The following ARHGAP10 variants were observed in gnomAD, a reference collection of about 807,000 sequenced individuals.
ARHGAP10 encodes the protein Rho GTPase activating protein 10.
ARHGAP10 carries 87 observed loss-of-function variants against 108.6 expected under a neutral mutation model. That is an observed-to-expected ratio of 0.80 (90% CI 0.67 to 0.96). The LOEUF (loss-of-function observed/expected upper bound fraction) is 0.96, where lower values mean the gene tolerates loss of function less well. Among genes scored for constraint, ARHGAP10 ranks in the 40% least tolerant of loss-of-function variants. The pLI is 0.00. For missense variants in ARHGAP10, 939 were observed against 954.5 expected (o/e 0.98, Z 0.21); for synonymous variants, 347 against 341.1 (o/e 1.02, Z -0.19).
chr4:147,851,025 G>A (rs1733859280), intron 4 of ARHGAP10, among the ~76,000 whole-genome samples: 2 of 152,126 alleles, frequency 1.3e-5, no homozygotes, highest in African/African-American at 4.8e-5. Flanking sequence ...ATGAAAATAT[G>A]GGTTTGGGCA....
rs759672750 is a variant in ARHGAP10, at chr4:148,072,108, C to G, written c.*27C>G. On this transcript the variant is annotated 3_prime_UTR_variant, in exon 23 of 23. Transcript: ENST00000336498. ...TCCTGGCCTCAGAGCCCCTGCTGAC[C>G]CTGGCACCCAGGGACCTGCCTGGGG... 62 of 1,598,198 alleles carry G rather than the reference C, an allele frequency of 3.9e-5. No homozygotes were observed. The highest frequency in any genetic ancestry group is 5.1e-5 in the Non-Finnish European group (60 of 1,172,734).
chr4:148,059,899 C>A (rs1287051748), intron 20 of ARHGAP10, among the ~76,000 whole-genome samples: 1 of 152,112 alleles, frequency 6.6e-6, no homozygotes, highest in Non-Finnish European at 1.5e-5. Flanking sequence ...GGCCAGGTCA[C>A]ACCTACATGC....
intron 8 of ARHGAP10, among the ~76,000 whole-genome samples, chr4:147,878,051 C>T (rs548360129): frequency 5.9e-5 from 9 of 151,962 alleles, no homozygotes; most frequent in South Asian, 4.2e-4. Context: ...ATTCTTCTGC[C>T]GCACCCTCCC....
chr4:148,033,607 T>C lies in ARHGAP10; in HGVS notation c.1867+10194T>C, dbSNP rs144508725. ...TAATACATACATATAAATACACATATACACACATACCGCATACATTTATAT... is the reference window on the plus strand; with the variant it reads ...TAATACATACATATAAATACACATACACACACATACCGCATACATTTATAT... On this transcript the variant is annotated intron_variant, in intron 19 of 22. Coordinates refer to ENST00000336498, the MANE Select transcript of ARHGAP10 (RefSeq NM_024605.4). Among the ~76,000 whole-genome samples, 1,115 of 152,358 alleles carry C rather than the reference T, an allele frequency of 7.3e-3. 7 individuals carry two copies. Among genetic ancestry groups the C allele is most frequent in the Non-Finnish European group, 0.013 (890 of 68,032 alleles).
chr4:147,992,686 G>A (rs994307993), intron 18 of ARHGAP10, among the ~76,000 whole-genome samples: 3 of 152,128 alleles, frequency 2.0e-5, no homozygotes, highest in Non-Finnish European at 4.4e-5. Context: ...GATTACAGAC[G>A]TGAGCCATTG....
intron 7 of ARHGAP10, among the ~76,000 whole-genome samples, chr4:147,872,953 C>T (rs1035372077): frequency 1.3e-5 from 2 of 151,620 alleles, no homozygotes; most frequent in Admixed American, 1.3e-4. Flanking sequence ...AGTGAGCACA[C>T]TGTGCCCAGA....
rs370017127 is a variant in ARHGAP10 at position 148,020,573 on chromosome 4, T to A, written c.1717-2690T>A. Among the ~76,000 whole-genome samples the A allele has an allele frequency of 3.3e-5, 5 of 151,278 alleles. No individual in the cohort carries two copies. The South Asian group carries it at 1.0e-3, about 32-fold the overall frequency. On this transcript the variant is annotated intron_variant, in intron 18 of 22. Transcript: ENST00000336498. ...TTTTTTTTTTATTCCTGCATTAGTG[T>A]GCTGAGGATAATGGCTTCCAGCTCC...
At chr4:148,026,318 A>T (rs1727835195) in intron 19 of ARHGAP10, among the ~76,000 whole-genome samples, 1 of 152,192 alleles carries the variant, frequency 6.6e-6, no homozygotes, top group African/African-American at 2.4e-5. Flanking sequence ...CATGTGTCAC[A>T]GTAGGATGGG....
At chr4:148,071,959 A>G (rs768433819) in intron 22 of ARHGAP10, 34 bp from the exon 23 acceptor site, 3 of 1,598,352 alleles carry the variant, frequency 1.9e-6, no homozygotes, top group Non-Finnish European at 2.6e-6. Flanking sequence ...ACTTGGGGGC[A>G]TTTTGTAAAA....
intron 20 of ARHGAP10, among the ~76,000 whole-genome samples, chr4:148,049,837 GGGCGGGGGGC>G (rs1729049089): frequency 1.2e-5 from 1 of 80,606 alleles, no homozygotes; most frequent in African/African-American, 9.1e-5. Context: ...TTGGGTGGGG[GGGCGGGGGGC>G]GGGGGGCGGG....
chr4:147,783,934 T>G (rs1247612534), intron 1 of ARHGAP10, among the ~76,000 whole-genome samples: 2 of 127,192 alleles, frequency 1.6e-5, no homozygotes, highest in Non-Finnish European at 3.2e-5. Flanking sequence ...GTATTATATT[T>G]ATATAACACA....
chr4:147,976,798 G>A (rs1161292578), intron 18 of ARHGAP10, among the ~76,000 whole-genome samples: 3 of 152,140 alleles, frequency 2.0e-5, no homozygotes, highest in Non-Finnish European at 2.9e-5. Flanking sequence ...AGCAAATTTA[G>A]GAGAGAGTCA....
chr4:147,840,317 C>A (rs1733360438), intron 3 of ARHGAP10, among the ~76,000 whole-genome samples: 1 of 152,002 alleles, frequency 6.6e-6, no homozygotes, highest in Non-Finnish European at 1.5e-5. Context: ...GATTTTTTTT[C>A]TTCTCTCATG....
At chr4:147,871,013 G>T (rs1167068783) in intron 7 of ARHGAP10, among the ~76,000 whole-genome samples, 4 of 151,244 alleles carry the variant, frequency 2.6e-5, no homozygotes, top group Admixed American at 1.3e-4. Context: ...AGGCTGGAGT[G>T]CTGTGGCCCA....
intron 20 of ARHGAP10, among the ~76,000 whole-genome samples, chr4:148,053,260 A>G (rs919438159): frequency 2.0e-5 from 3 of 152,204 alleles, no homozygotes; most frequent in Non-Finnish European, 2.9e-5. Flanking sequence ...GCAGTTGCAT[A>G]TGGGGACATT....
intron 18 of ARHGAP10, among the ~76,000 whole-genome samples, chr4:147,986,804 C>T (rs1740060790): frequency 6.6e-6 from 1 of 152,226 alleles, no homozygotes; most frequent in African/African-American, 2.4e-5. Context: ...CCCTGCTTTA[C>T]AAACGGAGGA....
At chr4:147,877,827 T>TC (rs1181904415) in intron 8 of ARHGAP10, among the ~76,000 whole-genome samples, 1 of 151,530 alleles carries the variant, frequency 6.6e-6, no homozygotes, top group East Asian at 1.9e-4. Flanking sequence ...TACTTTTTTT[T>TC]TTTTTTTGCT....
chr4:148,001,363 G>T (rs1168495404), intron 18 of ARHGAP10, among the ~76,000 whole-genome samples: 1 of 152,166 alleles, frequency 6.6e-6, no homozygotes, highest in South Asian at 2.1e-4. Context: ...CTCCAGCTTT[G>T]TTCTTTTGGC....
At chr4:147,994,090 T>C (rs1740382181) in intron 18 of ARHGAP10, among the ~76,000 whole-genome samples, 1 of 152,262 alleles carries the variant, frequency 6.6e-6, no homozygotes, top group South Asian at 2.1e-4. Flanking sequence ...TTCGGGCAGC[T>C]AAGCCACACA....
Sources: allele counts gnomAD v4.1 joint callset (sites outside exome capture counted in the v4.1 genomes callset), GRCh38; gene constraint gnomAD v4.1.1; transcripts MANE v1.5; gene names NCBI Gene and HGNC (gene_info 2026-07-23, HGNC 2026-07-21).